Variants in RYR3 observed in about 807,000 individuals in gnomAD.
The protein encoded by RYR3 is ryanodine receptor 3.
Under a neutral mutation model 584.3 loss-of-function variants are expected in RYR3, and 207 were observed. The ratio of observed to expected loss-of-function variants is 0.35; its 90% CI spans 0.32 to 0.40. RYR3 has a LOEUF of 0.40. RYR3 is among the 10% of genes least tolerant of loss of function. RYR3 has a pLI of 1.00. For missense variants in RYR3, 5,616 were observed against 6,089.2 expected (o/e 0.92, Z 2.59); for synonymous variants, 2,416 against 2,248.5 (o/e 1.07, Z -2.11).
chr15:33,760,342 T>C (rs2072305255), intron 60 of RYR3, among the ~76,000 whole-genome samples: 1 of 151,434 alleles, frequency 6.6e-6, no homozygotes, highest in Non-Finnish European at 1.5e-5. Context: ...GACAGGCAAA[T>C]TGGATAGTCA....
rs192215976 is a variant in RYR3, at chr15:33,415,714, T to A, written c.52-57705T>A. The stretch of plus-strand genomic sequence containing the variant: ...CAAGACATAATTTATTTCCTTTTTT[T>A]AAAAAAATTTAGATTTGAGGGTACA... On this transcript the variant is annotated intron_variant, in intron 1 of 103. Coordinates refer to ENST00000634891, the MANE Select transcript of RYR3 (RefSeq NM_001036.6). 8.5e-3 allele frequency among the ~76,000 whole-genome samples: 1,297 copies of A among 152,272 alleles called. 12 individuals carry two copies. Among genetic ancestry groups the A allele is most frequent in the African/African-American group, 0.016 (677 of 41,548 alleles).
chr15:33,634,002 T>C (rs956143419), intron 24 of RYR3, among the ~76,000 whole-genome samples: 5 of 152,204 alleles, frequency 3.3e-5, no homozygotes, highest in African/African-American at 1.2e-4. Context: ...ACCAATTCTG[T>C]GATGCTTCAT....
rs757377701 is a variant in RYR3, at chr15:33,838,446, T to G, written c.12466T>G (p.Phe4156Val). 1.2e-6 allele frequency: 2 copies of G among 1,614,030 alleles called. No homozygotes were observed. The highest frequency in any genetic ancestry group is 1.7e-6 in the Non-Finnish European group (2 of 1,179,892). ...CTCTGTGAAGAGGAATGTCACCGAC[T>G]TCCTGAAGAGAGCAACCCTGAAGAA... ...CASVKRNVTD[F>V]LKRATLKNLR... The change falls in exon 89 of 104, where the codon TTC becomes GTC. Residue 4156 changes from phenylalanine (F) to valine (V), a missense_variant. Transcript: ENST00000634891.
intron 43 of RYR3, among the ~76,000 whole-genome samples, chr15:33,721,179 A>G: frequency 6.6e-6 from 1 of 152,186 alleles, no homozygotes. Context: ...TCATGAGAAC[A>G]CTCAAGCAGC....
In RYR3 at chr15:33,865,250, A is replaced by G. The variant is rs770360123; in HGVS notation, c.*24A>G. The G allele has an allele frequency of 6.5e-7, 1 of 1,534,652 alleles. No individual in the cohort carries two copies. The stretch of plus-strand genomic sequence containing the variant: ...AAATCTGAATCAAAGAAGCGCGACA[A>G]TTCTGGACAGTCAACTTCCCATGAA... On this transcript the variant is annotated 3_prime_UTR_variant, in exon 104 of 104. Coordinates refer to ENST00000634891, the MANE Select transcript of RYR3 (RefSeq NM_001036.6).
At chr15:33,502,798 G>C (rs1403558256) in intron 2 of RYR3, among the ~76,000 whole-genome samples, 4 of 152,146 alleles carry the variant, frequency 2.6e-5, no homozygotes, top group Non-Finnish European at 5.9e-5. Flanking sequence ...TGTAACCCTT[G>C]GGCAGGCGAC....
chr15:33,726,136 A>G (rs948960104), intron 45 of RYR3, among the ~76,000 whole-genome samples: 6 of 152,114 alleles, frequency 3.9e-5, no homozygotes, highest in African/African-American at 1.2e-4. Flanking sequence ...CCACAACCTC[A>G]TGGCCACTTT....
At chr15:33,637,358 T>C (rs779261308) in intron 27 of RYR3, among the ~76,000 whole-genome samples, 16 of 152,246 alleles carry the variant, frequency 1.1e-4, no homozygotes, top group Non-Finnish European at 2.2e-4. Context: ...TTCCCAGATA[T>C]AAAATTCAAC....
At chr15:33,489,234 G>A (rs2050759312) in intron 2 of RYR3, among the ~76,000 whole-genome samples, 1 of 152,036 alleles carries the variant, frequency 6.6e-6, no homozygotes, top group Non-Finnish European at 1.5e-5. Context: ...TAAGTTCAGG[G>A]GTACACTTGA....
chr15:33,730,408 A>C (rs114352202), intron 47 of RYR3, among the ~76,000 whole-genome samples: 1,950 of 152,330 alleles, frequency 0.013, 54 homozygotes, highest in African/African-American at 0.044. Flanking sequence ...TAATCTACTG[A>C]AATCAAAGCT....
rs967083979 is a variant in RYR3, at chr15:33,740,102, A to G, written c.7820+107A>G. The G allele has an allele frequency of 4.5e-6, 4 of 891,544 alleles. No individual in the cohort carries two copies. The Admixed American group carries it at 7.0e-5, about 16-fold the overall frequency. 55.2% of individuals were successfully genotyped at this position (891,544 alleles called of 1,614,324 possible). Reference sequence around the variant, plus strand: ...GAGCTTTACCTCTTTCCCTCCTGCCAACACTGTTCATCATTTCTCTTGATG... The same window carrying G: ...GAGCTTTACCTCTTTCCCTCCTGCCGACACTGTTCATCATTTCTCTTGATG... On this transcript the variant is annotated intron_variant, in intron 51 of 103. Transcript: ENST00000634891.
intron 103 of RYR3, 35 bp downstream of exon 103, chr15:33,864,224 C>CGT (rs770233401): frequency 1.3e-6 from 2 of 1,535,574 alleles, no homozygotes; most frequent in African/African-American, 2.8e-5. Flanking sequence ...CGTGTTAGAT[C>CGT]TCCCTTTCCT....
At chr15:33,374,339 T>C (rs2040559192) in intron 1 of RYR3, among the ~76,000 whole-genome samples, 1 of 151,834 alleles carries the variant, frequency 6.6e-6, no homozygotes, top group Non-Finnish European at 1.5e-5. Context: ...TCTGTGTGTC[T>C]CTGGCTTTCT....
chr15:33,804,863 A>G (rs2076099142), intron 69 of RYR3, among the ~76,000 whole-genome samples: 1 of 152,210 alleles, frequency 6.6e-6, no homozygotes, highest in South Asian at 2.1e-4. Flanking sequence ...CTCAGTGCAT[A>G]TGGCAGGCTT....
At chr15:33,519,870 CAT>C (rs1404980830) in intron 3 of RYR3, among the ~76,000 whole-genome samples, 2 of 152,110 alleles carry the variant, frequency 1.3e-5, no homozygotes, top group Non-Finnish European at 2.9e-5. Context: ...AAGGCTACTT[CAT>C]ATACTTCAAG....
chr15:33,852,115 G>A (rs986114457), intron 94 of RYR3: 2 of 150,386 alleles, frequency 1.3e-5, no homozygotes, highest in Non-Finnish European at 2.9e-5. Flanking sequence ...ACCAACTTGG[G>A]TGGTCTCTGG....
intron 55 of RYR3, among the ~76,000 whole-genome samples, chr15:33,748,865 C>T (rs1381206852): frequency 1.3e-5 from 2 of 152,110 alleles, no homozygotes; most frequent in African/African-American, 2.4e-5. Flanking sequence ...GCTCAAGTCC[C>T]TGATATAAAA....
At chr15:33,737,220 A>G (rs1490475413) in intron 49 of RYR3, among the ~76,000 whole-genome samples, 1 of 152,022 alleles carries the variant, frequency 6.6e-6, no homozygotes, top group Non-Finnish European at 1.5e-5. Context: ...CAGTCTCCCA[A>G]AGTGCTGGGA....
intron 12 of RYR3, among the ~76,000 whole-genome samples, chr15:33,579,513 A>C (rs186226417): frequency 3.9e-5 from 6 of 152,262 alleles, no homozygotes; most frequent in Middle Eastern, 3.4e-3. Flanking sequence ...TTTTTTCTAA[A>C]TGTTTTTATT....
Sources: allele counts gnomAD v4.1 joint callset (sites outside exome capture counted in the v4.1 genomes callset), GRCh38; gene constraint gnomAD v4.1.1; transcripts MANE v1.5; gene names NCBI Gene and HGNC (gene_info 2026-07-23, HGNC 2026-07-21).